The following CCND3 variants were observed in gnomAD, a reference collection of about 807,000 sequenced individuals.
CCND3 encodes G1/S-specific cyclin-D3.
A neutral mutation model predicts 28.7 loss-of-function variants in CCND3; 9 were observed. That is an observed-to-expected ratio of 0.31 (90% CI 0.19 to 0.55). CCND3 has a LOEUF of 0.55. Among genes scored for constraint, CCND3 ranks in the 20% least tolerant of loss-of-function variants. CCND3 has a pLI of 0.93. For missense variants in CCND3, 315 were observed against 385.8 expected (o/e 0.82, Z 1.54); for synonymous variants, 164 against 163.9 (o/e 1.00, Z 0.00).
intron 1 of CCND3, among the ~76,000 whole-genome samples, chr6:41,989,032 C>G (rs938847237): frequency 2.0e-5 from 3 of 151,992 alleles, no homozygotes; most frequent in African/African-American, 7.2e-5. Context: ...TTAAAACCTC[C>G]GCTCCACAAA....
At chr6:41,942,078 C>G (rs1776054819), upstream of CCND3, among the ~76,000 whole-genome samples, 1 of 152,180 alleles carries the variant, frequency 6.6e-6, no homozygotes, top group Non-Finnish European at 1.5e-5. Flanking sequence ...CTCTAGTCAC[C>G]CAGGAAACAA....
At chr6:42,035,309 G>C (rs145104775) in intron 1 of CCND3, among the ~76,000 whole-genome samples, 249 of 152,278 alleles carry the variant, frequency 1.6e-3, no homozygotes, top group Middle Eastern at 6.8e-3. Context: ...TTTCAAAATA[G>C]TTTCCCAGCT....
intron 1 of CCND3, among the ~76,000 whole-genome samples, chr6:41,973,600 G>A (rs748038948): frequency 5.9e-5 from 9 of 152,154 alleles, no homozygotes; most frequent in Non-Finnish European, 1.3e-4. Flanking sequence ...GGACTGACCT[G>A]GGTTTGATTC....
chr6:42,018,717 C>A (rs1335581133), intron 1 of CCND3, among the ~76,000 whole-genome samples: 1 of 151,600 alleles, frequency 6.6e-6, no homozygotes, highest in Non-Finnish European at 1.5e-5. Flanking sequence ...CATGGAGAAA[C>A]CCCATCTCTA....
intron 1 of CCND3, among the ~76,000 whole-genome samples, chr6:42,009,263 C>T (rs1763266742): frequency 6.6e-6 from 1 of 151,954 alleles, no homozygotes; most frequent in East Asian, 1.9e-4. Context: ...ATTGCCTGAG[C>T]CCAGGAGTTC....
intron 1 of CCND3, among the ~76,000 whole-genome samples, chr6:42,017,974 C>A (rs1382401542): frequency 6.6e-6 from 1 of 151,826 alleles, no homozygotes; most frequent in Non-Finnish European, 1.5e-5. Flanking sequence ...CCTGGTGAAA[C>A]CCCATCTCTA....
At chr6:42,030,963 TG>T (rs1764025092) in intron 1 of CCND3, among the ~76,000 whole-genome samples, 1 of 149,252 alleles carries the variant, frequency 6.7e-6, no homozygotes, top group Non-Finnish European at 1.5e-5. Flanking sequence ...AAGTGGGAAT[TG>T]GGGGTGGGGT....
At chr6:41,993,132 G>T (rs1267766592) in intron 1 of CCND3, among the ~76,000 whole-genome samples, 1 of 151,934 alleles carries the variant, frequency 6.6e-6, no homozygotes, top group Non-Finnish European at 1.5e-5. Flanking sequence ...TGAACTCCTG[G>T]CTCCAAGTGA....
rs1776032086 is a variant in CCND3, at chr6:41,941,695, C to G, written c.-46G>C. 2.3e-6 allele frequency: 3 copies of G among 1,279,472 alleles called. No individual in the cohort carries two copies. The highest frequency in any genetic ancestry group is 3.0e-6 in the Non-Finnish European group (3 of 1,001,132). 79.3% of individuals were successfully genotyped at this position (1,279,472 alleles called of 1,614,324 possible). A position where few individuals can be genotyped will look rare whatever the true frequency, so the allele number is the denominator to read the frequency against. ...GGGCGGGAGTGCGGGCTCGCGAGTC[C>G]CAAGGCAGGCGACGGGCCGGAGAGC... On this transcript the variant is annotated 5_prime_UTR_variant, in exon 1 of 5. Transcript: ENST00000372991. This position sits in a 1 kb window ranked among gnomAD's most constrained non-coding sequence, Gnocchi z 6.1.
intron 1 of CCND3, among the ~76,000 whole-genome samples, chr6:42,029,542 C>A (rs1206448904): frequency 2.0e-5 from 3 of 152,028 alleles, no homozygotes; most frequent in Non-Finnish European, 4.4e-5. Flanking sequence ...GACCCCCACA[C>A]ATACTCTCAC....
intron 1 of CCND3, among the ~76,000 whole-genome samples, chr6:41,995,478 G>A (rs113533021): frequency 1.3e-5 from 2 of 152,110 alleles, no homozygotes; most frequent in South Asian, 4.1e-4. Context: ...GCCTGGTCTC[G>A]AACTCCTGAT....
intron 1 of CCND3, among the ~76,000 whole-genome samples, chr6:42,034,191 A>G (rs1764129660): frequency 7.0e-6 from 1 of 142,320 alleles, no homozygotes; most frequent in African/African-American, 2.6e-5. Flanking sequence ...CTTGTTGCCC[A>G]GGCTGGAGTG....
intron 1 of CCND3, among the ~76,000 whole-genome samples, chr6:42,024,024 T>A (rs552190193): frequency 1.3e-4 from 20 of 152,272 alleles, no homozygotes; most frequent in African/African-American, 4.6e-4. Flanking sequence ...TAACAACTCA[T>A]GTAATCCTCC....
At chr6:42,044,956 C>CTTTTTTT (rs1562002036) in intron 1 of CCND3, among the ~76,000 whole-genome samples, 10 of 123,948 alleles carry the variant, frequency 8.1e-5, no homozygotes, top group South Asian at 2.5e-4. Context: ...GCCCGGCTAA[C>CTTTTTTT]GTTTTTTTTT....
At chr6:41,944,712 G>A (rs760394764), upstream of CCND3, among the ~76,000 whole-genome samples, 51 of 152,254 alleles carry the variant, frequency 3.3e-4, no homozygotes, top group Admixed American at 3.0e-3. Flanking sequence ...ACAAACCACC[G>A]CACCTGGCAA....
chr6:42,048,993 G>C (rs1026931019), upstream of CCND3: 1 of 195,864 alleles, frequency 5.1e-6, no homozygotes, highest in Non-Finnish European at 1.0e-5. The surrounding 1 kb of genome is among the most constrained non-coding windows in gnomAD (Gnocchi z 4.7). Flanking sequence ...ACTCCTCCAC[G>C]TGCTATCCAG....
intron 1 of CCND3, among the ~76,000 whole-genome samples, chr6:42,015,736 T>C (rs759822503): frequency 1.4e-4 from 21 of 151,776 alleles, no homozygotes; most frequent in Non-Finnish European, 2.2e-4. Flanking sequence ...AGTTATGTCT[T>C]TTTAAATTGA....
At chr6:41,967,709 C>G (rs1761926277) in intron 1 of CCND3, among the ~76,000 whole-genome samples, 1 of 152,320 alleles carries the variant, frequency 6.6e-6, no homozygotes, top group Non-Finnish European at 1.5e-5. Flanking sequence ...TAGCTGTTCT[C>G]ACTCACAGAC....
intron 1 of CCND3, among the ~76,000 whole-genome samples, chr6:41,987,517 C>CTCTGTG (rs1347442898): frequency 9.9e-5 from 6 of 60,304 alleles, no homozygotes; most frequent in African/African-American, 5.4e-4. Context: ...CTCTCTCTCT[C>CTCTGTG]TGTGTGTGTG....
Sources: gnomAD v4.1 joint callset for allele counts (sites outside exome capture counted in the v4.1 genomes callset) on GRCh38, gnomAD v4.1.1 for gene constraint, Gnocchi (gnomAD v3.1) non-coding constraint, MANE v1.5 for transcripts, NCBI Gene and HGNC (gene_info 2026-07-23, HGNC 2026-07-21) for gene names.